SLC26A2: variants seen among roughly 807,000 people sequenced by gnomAD.
SLC26A2 encodes the protein sulfate transporter.
Under a neutral mutation model 41.1 loss-of-function variants are expected in SLC26A2, and 36 were observed. That is an observed-to-expected ratio of 0.88 (90% CI 0.67 to 1.16). The LOEUF (loss-of-function observed/expected upper bound fraction) is 1.16, where lower values mean the gene tolerates loss of function less well. Among genes scored for constraint, SLC26A2 ranks in the 50% most tolerant of loss-of-function variants. The pLI is 0.00. For synonymous variants in SLC26A2, 291 were observed against 311.6 expected (o/e 0.93, Z 0.70); for missense variants, 796 against 869.6 (o/e 0.92, Z 1.07).
At position 149,981,822 on chromosome 5, in the gene SLC26A2, GTAGA is replaced by G. The variant is rs766854098; in HGVS notation, c.*14_*17del. ...GTCTTAGTAGTGATTAATTGAGAAG[GTAGA>G]TAGAAGAATGTCTAGCCAATAGGTT... On this transcript the variant is annotated 3_prime_UTR_variant, in exon 3 of 3. Transcript: ENST00000286298. 2 of 1,590,042 alleles carry G rather than the reference GTAGA, an allele frequency of 1.3e-6. No homozygotes were observed. Among genetic ancestry groups the G allele is most frequent in the African/African-American group, 1.3e-5 (1 of 74,358 alleles).
chr5:149,968,250 G>A (rs1754839897), intron 1 of SLC26A2, among the ~76,000 whole-genome samples: 1 of 152,056 alleles, frequency 6.6e-6, no homozygotes, highest in African/African-American at 2.4e-5. Flanking sequence ...ATCTGTTCGA[G>A]TTACAGTTTT....
chr5:149,978,205 T>A lies in SLC26A2; in HGVS notation c.553T>A (p.Tyr185Asn). Reference sequence around the variant, plus strand: ...TGACCGAGAACTACAGAAAGCTGGCTATGACAATGCCCATAGTGCTCCTTC... The same window carrying A: ...TGACCGAGAACTACAGAAAGCTGGCAATGACAATGCCCATAGTGCTCCTTC... ...TVDRELQKAG[Y>N]DNAHSAPSLG... is the part of the protein sequence containing the mutation. The change falls in exon 2 of 3, where the codon TAT becomes AAT. Residue 185 changes from tyrosine to asparagine, a missense_variant. Coordinates refer to ENST00000286298, the MANE Select transcript of SLC26A2 (RefSeq NM_000112.4). 4.3e-6 allele frequency: 7 copies of A among 1,614,140 alleles called. No individual in the cohort carries two copies. The highest frequency in any genetic ancestry group is 5.9e-6 in the Non-Finnish European group (7 of 1,179,970).
At position 149,983,173 on chromosome 5, in the gene SLC26A2, T is replaced by C. The variant is rs995746339; in HGVS notation, c.*1360T>C. 2.6e-5 allele frequency: 4 copies of C among 151,984 alleles called. No homozygotes were observed. Among genetic ancestry groups the C allele is most frequent in the African/African-American group, 9.7e-5 (4 of 41,412 alleles). The allele number at this position is 151,984 out of a possible 1,614,324, so 9.4% of individuals were successfully genotyped here. On this transcript the variant is annotated 3_prime_UTR_variant, in exon 3 of 3. Transcript: ENST00000286298. ...TTTAGACATATATTAAGTATGTACA[T>C]GTTTAATATGTATATTTAAAATGCA...
chr5:149,972,532 G>C (rs1382369959), intron 1 of SLC26A2, among the ~76,000 whole-genome samples: 3 of 152,208 alleles, frequency 2.0e-5, no homozygotes, highest in Non-Finnish European at 1.5e-5. Flanking sequence ...ATTATAGATA[G>C]GTGGTAGGAG....
chr5:149,968,632 G>A (rs1217703161), intron 1 of SLC26A2, among the ~76,000 whole-genome samples: 2 of 149,656 alleles, frequency 1.3e-5, no homozygotes, highest in Non-Finnish European at 3.0e-5. Context: ...ATGTTAGCCA[G>A]GATGGTCTTG....
chr5:149,982,743 A>C lies in SLC26A2; in HGVS notation c.*930A>C, dbSNP rs1176053069. 4 of 152,340 alleles carry C rather than the reference A, an allele frequency of 2.6e-5. No individual in the cohort carries two copies. The East Asian group carries it at 7.7e-4, about 29-fold the overall frequency. The allele number at this position is 152,340 out of a possible 1,614,324, so 9.4% of individuals were successfully genotyped here. On this transcript the variant is annotated 3_prime_UTR_variant, in exon 3 of 3. Transcript: ENST00000286298. ...AGCATTTTAAATGAGTTTGATGTACAGTAAATATTGATGACAATGACAGCT... is the reference window on the plus strand; with the variant it reads ...AGCATTTTAAATGAGTTTGATGTACCGTAAATATTGATGACAATGACAGCT...
chr5:149,978,808 C>G (rs1263874343), intron 2 of SLC26A2, among the ~76,000 whole-genome samples: 1 of 152,134 alleles, frequency 6.6e-6, no homozygotes, highest in Non-Finnish European at 1.5e-5. Context: ...CTACCTCAAC[C>G]TCCTGAGTAG....
chr5:149,966,583 G>A (rs1409641131), intron 1 of SLC26A2, among the ~76,000 whole-genome samples: 5 of 151,712 alleles, frequency 3.3e-5, no homozygotes, highest in African/African-American at 1.2e-4. Flanking sequence ...GCTTGGGACT[G>A]GCAGTGTTTC....
intron 2 of SLC26A2, 65 bp downstream of exon 2, chr5:149,978,416 T>C (rs1755035895): frequency 2.5e-6 from 3 of 1,187,826 alleles, no homozygotes; most frequent in Non-Finnish European, 3.7e-6. Flanking sequence ...ATCTCATATC[T>C]CTAAGGGATC....
intron 1 of SLC26A2, among the ~76,000 whole-genome samples, chr5:149,974,581 C>A (rs1157995719): frequency 6.6e-6 from 1 of 151,726 alleles, no homozygotes; most frequent in African/African-American, 2.4e-5. Flanking sequence ...CACCACCATG[C>A]CCAGCTAATT....
chr5:149,968,933 G>C (rs1210553104), intron 1 of SLC26A2, among the ~76,000 whole-genome samples: 1 of 151,266 alleles, frequency 6.6e-6, no homozygotes, highest in African/African-American at 2.4e-5. Flanking sequence ...GTAGAGACAG[G>C]GTTTTGCCAT....
intron 1 of SLC26A2, among the ~76,000 whole-genome samples, chr5:149,961,573 T>C (rs974979044): frequency 6.6e-5 from 10 of 152,182 alleles, no homozygotes; most frequent in African/African-American, 2.4e-4. Flanking sequence ...CTAGGACTTG[T>C]ACCCAGCTCT....
At chr5:149,975,284 T>C (rs1053118256) in intron 1 of SLC26A2, among the ~76,000 whole-genome samples, 9 of 152,222 alleles carry the variant, frequency 5.9e-5, no homozygotes, top group African/African-American at 1.7e-4. Context: ...TCATCTCTGT[T>C]ACTGTGTTTT....
At chr5:149,971,089 A>G (rs530574278) in intron 1 of SLC26A2, among the ~76,000 whole-genome samples, 3 of 152,368 alleles carry the variant, frequency 2.0e-5, no homozygotes, top group Admixed American at 6.5e-5. Context: ...CCCATTTAAC[A>G]CAGATGGATC....
chr5:149,965,777 A>C (rs1478511371), intron 1 of SLC26A2, among the ~76,000 whole-genome samples: 1 of 152,172 alleles, frequency 6.6e-6, no homozygotes, highest in Non-Finnish European at 1.5e-5. Flanking sequence ...TCTGATGTAT[A>C]TACACTTACA....
Position 149,981,823 on chromosome 5 carries a change from T to C in SLC26A2, c.*10T>C. The C allele has an allele frequency of 1.3e-6, 2 of 1,590,850 alleles. No individual in the cohort carries two copies. The highest frequency in any genetic ancestry group is 1.7e-6 in the Non-Finnish European group (2 of 1,160,660). ...TCTTAGTAGTGATTAATTGAGAAGGTAGATAGAAGAATGTCTAGCCAATAG... is the reference window on the plus strand; with the variant it reads ...TCTTAGTAGTGATTAATTGAGAAGGCAGATAGAAGAATGTCTAGCCAATAG... On this transcript the variant is annotated 3_prime_UTR_variant, in exon 3 of 3. Coordinates refer to ENST00000286298, the MANE Select transcript of SLC26A2 (RefSeq NM_000112.4).
rs1192867887 is a variant in SLC26A2 at position 149,982,836 on chromosome 5, G to A, written c.*1023G>A. 6.6e-6 allele frequency: 1 copy of A among 152,148 alleles called. No homozygotes were observed. The highest frequency in any genetic ancestry group is 1.5e-5 in the Non-Finnish European group (1 of 68,026). The allele number at this position is 152,148 out of a possible 1,614,324, so 9.4% of individuals were successfully genotyped here. A position where few individuals can be genotyped will look rare whatever the true frequency, so the allele number is the denominator to read the frequency against. Reference sequence around the variant, plus strand: ...TAGAAGTCACATTCATAAAACCCAAGTGCTATGGGTGTATTATTCATGATA... The same window carrying A: ...TAGAAGTCACATTCATAAAACCCAAATGCTATGGGTGTATTATTCATGATA... On this transcript the variant is annotated 3_prime_UTR_variant, in exon 3 of 3. Transcript: ENST00000286298.
chr5:149,978,482 G>C (rs748769916), intron 2 of SLC26A2, 131 bp downstream of exon 2: 4 of 871,076 alleles, frequency 4.6e-6, no homozygotes, highest in Non-Finnish European at 7.4e-6. Context: ...ATATATGAAG[G>C]GTAGAGGCAA....
chr5:149,972,572 T>C (rs1334346855), intron 1 of SLC26A2, among the ~76,000 whole-genome samples: 5 of 152,232 alleles, frequency 3.3e-5, no homozygotes, highest in African/African-American at 1.2e-4. Flanking sequence ...GATCTATTCT[T>C]GGGATCCCAA....
Sources: gnomAD v4.1 joint callset for allele counts (sites outside exome capture counted in the v4.1 genomes callset) on GRCh38, gnomAD v4.1.1 for gene constraint, MANE v1.5 for transcripts, NCBI Gene and HGNC (gene_info 2026-07-23, HGNC 2026-07-21) for gene names.